UBE2K: variants seen among roughly 807,000 people sequenced by gnomAD.
The protein encoded by UBE2K is ubiquitin-conjugating enzyme E2 K.
In UBE2K, 6 loss-of-function variants were observed where a neutral mutation model predicts 30.0. The ratio of observed to expected loss-of-function variants is 0.20; its 90% CI spans 0.11 to 0.39. The LOEUF (loss-of-function observed/expected upper bound fraction) is 0.39, where lower values mean the gene tolerates loss of function less well. Ranked by LOEUF, UBE2K falls within the 10% of genes least tolerant of loss-of-function variation. UBE2K has a pLI of 1.00. For missense variants in UBE2K, 61 were observed against 241.6 expected (o/e 0.25, Z 4.96); for synonymous variants, 86 against 83.7 (o/e 1.03, Z -0.15).
At chr4:39,745,948 A>G in intron 3 of UBE2K, 138 bp downstream of exon 3, 1 of 604,380 alleles carries the variant, frequency 1.7e-6, no homozygotes, top group Admixed American at 4.0e-5. Flanking sequence ...TGTGGACAGG[A>G]TTTTAGATAA....
At chr4:39,721,121 C>G (rs1463601050) in intron 1 of UBE2K, among the ~76,000 whole-genome samples, 1 of 152,098 alleles carries the variant, frequency 6.6e-6, no homozygotes, top group Admixed American at 6.6e-5. Context: ...AAAACTGCGT[C>G]ATAACCTCTT....
In UBE2K at chr4:39,780,678, G is replaced by C. The variant is rs2109423489; in HGVS notation, c.*2244G>C. ...AAAATTTACCTCATTTACATTTAAT[G>C]TGATGATCTTTTTTTTCCTTTCTGG... On this transcript the variant is annotated 3_prime_UTR_variant, in exon 7 of 7. Transcript: ENST00000261427. 6.6e-6 allele frequency: 1 copy of C among 152,142 alleles called. No homozygotes were observed. The highest frequency in any genetic ancestry group is 1.9e-4 in the East Asian group (1 of 5,190). The allele number at this position is 152,142 out of a possible 1,614,324, so 9.4% of individuals were successfully genotyped here.
At chr4:39,732,152 C>T (rs1414174033) in intron 1 of UBE2K, among the ~76,000 whole-genome samples, 1 of 152,104 alleles carries the variant, frequency 6.6e-6, no homozygotes, top group Non-Finnish European at 1.5e-5. Flanking sequence ...GTGTGGCAGG[C>T]ATTGTTCTAT....
At chr4:39,761,773 C>CT (rs1711961972) in intron 4 of UBE2K, among the ~76,000 whole-genome samples, 2 of 152,086 alleles carry the variant, frequency 1.3e-5, no homozygotes, top group South Asian at 4.1e-4. Context: ...CAGTTATATA[C>CT]TTTTTCACAT....
intron 2 of UBE2K, among the ~76,000 whole-genome samples, chr4:39,745,080 C>T (rs888861518): frequency 2.0e-5 from 3 of 152,048 alleles, no homozygotes; most frequent in Admixed American, 6.5e-5. Context: ...AGGCTCTACT[C>T]AAACTCCTGG....
intron 3 of UBE2K, among the ~76,000 whole-genome samples, chr4:39,753,371 G>A (rs1419600562): frequency 1.3e-5 from 2 of 152,138 alleles, no homozygotes; most frequent in Non-Finnish European, 2.9e-5. Flanking sequence ...AGGGAGAAAT[G>A]TTTGTTGTAC....
chr4:39,765,519 C>A (rs1407852939), intron 4 of UBE2K, among the ~76,000 whole-genome samples: 1 of 151,436 alleles, frequency 6.6e-6, no homozygotes, highest in East Asian at 1.9e-4. Flanking sequence ...GACCGTGAGA[C>A]CCTGTCTCAA....
intron 5 of UBE2K, among the ~76,000 whole-genome samples, chr4:39,777,200 A>G (rs1214358927): frequency 1.3e-5 from 2 of 152,216 alleles, no homozygotes; most frequent in African/African-American, 2.4e-5. Context: ...TGGGGTTTCC[A>G]TAAATCACTG....
intron 1 of UBE2K, among the ~76,000 whole-genome samples, chr4:39,725,227 A>G (rs778146620): frequency 6.6e-6 from 1 of 151,964 alleles, no homozygotes; most frequent in Non-Finnish European, 1.5e-5. Flanking sequence ...TACAGAAAAT[A>G]CAAATATTAA....
At chr4:39,715,991 CAG>C (rs1719037959) in intron 1 of UBE2K, among the ~76,000 whole-genome samples, 1 of 152,204 alleles carries the variant, frequency 6.6e-6, no homozygotes, top group Non-Finnish European at 1.5e-5. Context: ...TTACAGAACA[CAG>C]AGTGAGTTCT....
intron 1 of UBE2K, among the ~76,000 whole-genome samples, chr4:39,701,760 G>GTTT (rs200854243): frequency 6.9e-6 from 1 of 144,702 alleles, no homozygotes; most frequent in African/African-American, 2.5e-5. Flanking sequence ...TTTCTTTCAT[G>GTTT]TTTTTTTTTT....
At chr4:39,706,898 G>A (rs552980311) in intron 1 of UBE2K, among the ~76,000 whole-genome samples, 3 of 151,950 alleles carry the variant, frequency 2.0e-5, no homozygotes, top group Admixed American at 6.6e-5. Context: ...ATTTGAATGA[G>A]GGAGGTTCTT....
At chr4:39,742,783 T>C (rs1002062851) in intron 2 of UBE2K, among the ~76,000 whole-genome samples, 9 of 152,094 alleles carry the variant, frequency 5.9e-5, no homozygotes, top group Non-Finnish European at 1.2e-4. Context: ...CAATGGCTTA[T>C]GCCTGTAATC....
At chr4:39,766,274 A>C (rs1040220803) in intron 4 of UBE2K, among the ~76,000 whole-genome samples, 4 of 151,766 alleles carry the variant, frequency 2.6e-5, no homozygotes, top group African/African-American at 9.7e-5. Context: ...CAAGAGTTCC[A>C]TTTCTCCACA....
At chr4:39,771,397 C>CCGGGCAGCTT in intron 4 of UBE2K, 1 of 1,611,476 alleles carries the variant, frequency 6.2e-7, no homozygotes, top group South Asian at 1.1e-5. Context: ...GGCCTAGTGG[C>CCGGGCAGCTT]CGGGCAGCTG....
At chr4:39,699,314 A>T (rs971952159) in intron 1 of UBE2K, among the ~76,000 whole-genome samples, 2 of 151,364 alleles carry the variant, frequency 1.3e-5, no homozygotes, top group South Asian at 2.1e-4. Flanking sequence ...CTTGATTCTT[A>T]CTTTTGAAAA....
At position 39,781,257 on chromosome 4, in the gene UBE2K, G is replaced by A. The variant is rs2109424331; in HGVS notation, c.*2823G>A. On this transcript the variant is annotated 3_prime_UTR_variant, in exon 7 of 7. Transcript: ENST00000261427. ...TTACTTAAACACGTAACACATTCAA[G>A]GATATATAAATGGAGTCTAAGTATT... 1 of 152,140 alleles carries A rather than the reference G, an allele frequency of 6.6e-6. No homozygotes were observed. Among genetic ancestry groups the A allele is most frequent in the Admixed American group, 6.6e-5 (1 of 15,262 alleles). The allele number at this position is 152,140 out of a possible 1,614,324, so 9.4% of individuals were successfully genotyped here.
intron 1 of UBE2K, among the ~76,000 whole-genome samples, chr4:39,711,544 A>T (rs1718682730): frequency 6.6e-6 from 1 of 151,940 alleles, no homozygotes; most frequent in African/African-American, 2.4e-5. Context: ...GTCAGTTTTT[A>T]AAGTTTATTT....
chr4:39,734,506 A>G (rs145957913), intron 1 of UBE2K, among the ~76,000 whole-genome samples: 1 of 152,140 alleles, frequency 6.6e-6, no homozygotes, highest in Non-Finnish European at 1.5e-5. Context: ...TTTCTGACTT[A>G]TAATTTGGGG....
Sources: allele counts gnomAD v4.1 joint callset (sites outside exome capture counted in the v4.1 genomes callset), GRCh38; gene constraint gnomAD v4.1.1; transcripts MANE v1.5; gene names NCBI Gene and HGNC (gene_info 2026-07-23, HGNC 2026-07-21).